The following ZMYM6 variants were observed in gnomAD, a reference collection of about 807,000 sequenced individuals.
The protein encoded by ZMYM6 is zinc finger MYM-type protein 6.
A neutral mutation model predicts 134.0 loss-of-function variants in ZMYM6; 90 were observed. That is an observed-to-expected ratio of 0.67 (90% CI 0.57 to 0.80). ZMYM6 has a LOEUF of 0.80. ZMYM6 is among the 30% of genes least tolerant of loss of function. The pLI, the probability that ZMYM6 is intolerant of heterozygous loss-of-function variation, is 0.00. For missense variants in ZMYM6, 1,362 were observed against 1,533.9 expected (o/e 0.89, Z 1.87); for synonymous variants, 481 against 524.1 (o/e 0.92, Z 1.12).
At chr1:35,013,935 C>T (rs1028561666) in intron 6 of ZMYM6, among the ~76,000 whole-genome samples, 26 of 152,262 alleles carry the variant, frequency 1.7e-4, no homozygotes, top group African/African-American at 5.1e-4. Flanking sequence ...CGTGATCCAC[C>T]CGCCTTGACC....
At chr1:34,995,623 TAC>T (rs1418554193) in intron 14 of ZMYM6, among the ~76,000 whole-genome samples, 4 of 152,152 alleles carry the variant, frequency 2.6e-5, no homozygotes, top group Admixed American at 6.5e-5. Flanking sequence ...TGATGGGTAG[TAC>T]ACACAGTGTG....
At chr1:35,004,434 A>ACCG (rs1640929767) in intron 13 of ZMYM6, among the ~76,000 whole-genome samples, 1 of 152,106 alleles carries the variant, frequency 6.6e-6, no homozygotes, top group Non-Finnish European at 1.5e-5. Flanking sequence ...ACATGGTGAA[A>ACCG]CCGCATCTCT....
intron 1 of ZMYM6, 170 bp from the exon 2 acceptor site, chr1:35,030,883 A>G (rs1253477636): frequency 1.2e-5 from 6 of 486,586 alleles, no homozygotes; most frequent in Admixed American, 4.1e-5. Context: ...CAGTAGCTAC[A>G]TAAGAAAACA....
chr1:35,000,335 ATT>A (rs1476654272), intron 14 of ZMYM6, among the ~76,000 whole-genome samples: 2 of 150,954 alleles, frequency 1.3e-5, no homozygotes, highest in East Asian at 3.9e-4. Context: ...GAACTCCTGG[ATT>A]CAGGTGATTC....
intron 2 of ZMYM6, among the ~76,000 whole-genome samples, chr1:35,028,724 C>T (rs1641461487): frequency 6.6e-6 from 1 of 151,736 alleles, no homozygotes; most frequent in Non-Finnish European, 1.5e-5. Context: ...TGGTCTCGAT[C>T]TCCTGACCTC....
rs1641067632 is a variant in ZMYM6 at position 35,010,610 on chromosome 1, A to C, written c.1342-13T>G. The C allele has an allele frequency of 6.2e-7, 1 of 1,602,350 alleles. No homozygotes were observed. Among genetic ancestry groups the C allele is most frequent in the Admixed American group, 1.8e-5 (1 of 56,606 alleles). On this transcript the variant is annotated splice_polypyrimidine_tract_variant and intron_variant, in intron 9 of 15. Transcript: ENST00000357182. The stretch of plus-strand genomic sequence containing the variant: ...GAAACATTTTACCCTGCAGAGAAAC[A>C]ACAGTCCATTAAGAGCCAACTAAAC...
intron 14 of ZMYM6, among the ~76,000 whole-genome samples, chr1:34,999,544 G>C (rs531962787): frequency 6.6e-6 from 1 of 152,102 alleles, no homozygotes; most frequent in Admixed American, 6.6e-5. Context: ...GGAAAATCCA[G>C]ATTACAGAGA....
Position 35,007,068 on chromosome 1 carries a change from C to T in ZMYM6, c.1696G>A (p.Gly566Ser), listed in dbSNP as rs199688464. 1.2e-4 allele frequency: 200 copies of T among 1,606,022 alleles called. No individual in the cohort carries two copies. Among genetic ancestry groups the T allele is most frequent in the Non-Finnish European group, 1.6e-4 (189 of 1,175,950 alleles). The change falls in exon 12 of 16, where the codon GGT becomes AGT. Residue 566 changes from glycine (G) to serine (S), a missense_variant. Physicochemically the swap from Gly to Ser is moderately conservative, Grantham distance 56 (BLOSUM62 0). Around this residue, in one of 3 missense-constraint regions of ZMYM6, gnomAD observed 824 missense variants for 940.9 expected, o/e 0.88. Transcript: ENST00000357182. ...CACTTTATGGACTCGCTTAGTTTACCCTGTCGTTTACAACCATCACACTTG... is the reference window on the plus strand; with the variant it reads ...CACTTTATGGACTCGCTTAGTTTACTCTGTCGTTTACAACCATCACACTTG... Reference protein sequence around the residue: ...MAKCDGCKRQGKLSESIKWRG... With the variant: ...MAKCDGCKRQSKLSESIKWRG...
At chr1:35,019,744 C>A (rs1641271942) in intron 3 of ZMYM6, 142 bp from the exon 4 acceptor site, 8 of 1,023,250 alleles carry the variant, frequency 7.8e-6, no homozygotes, top group Non-Finnish European at 6.8e-6. Flanking sequence ...GCAATCAAGG[C>A]TCACTGAAGC....
rs749319436 is a variant in ZMYM6 at position 35,005,168 on chromosome 1, T to C, written c.1918A>G (p.Thr640Ala). 2 of 1,614,168 alleles carry C rather than the reference T, an allele frequency of 1.2e-6. No individual in the cohort carries two copies. Among genetic ancestry groups the C allele is most frequent in the South Asian group, 1.1e-5 (1 of 91,082 alleles). The change falls in exon 13 of 16, where the codon ACC becomes GCC. Residue 640 changes from threonine to alanine, a missense_variant. Thr to Ala is a moderately conservative substitution (Grantham distance 58). Around this residue, in one of 3 missense-constraint regions of ZMYM6, gnomAD observed 824 missense variants for 940.9 expected, o/e 0.88. Transcript: ENST00000357182. ...CTGTTAGTGTTCCCTGTAGATAAGG[T>C]AGCAGGTATTTTTGCCAATGACATC... ...SVMSLAKIPA[T>A]LSTGNTNSVL...
chr1:34,992,532 G>T, intron 14 of ZMYM6, 145 bp from the exon 15 acceptor site: 1 of 730,564 alleles, frequency 1.4e-6, no homozygotes, highest in Non-Finnish European at 2.0e-6. Flanking sequence ...AAGTCACCTT[G>T]GAAAATACAC....
rs148412755 is a variant in ZMYM6 at position 35,007,130 on chromosome 1, A to G, written c.1666-32T>C. On this transcript the variant is annotated intron_variant, in intron 11 of 15. Coordinates refer to ENST00000357182, the MANE Select transcript of ZMYM6 (RefSeq NM_007167.4). ...AAGAAATGTTAGACAAGATAGGCTT[A>G]AAACTATAAAATAATGAAAAGATAA... 21 of 1,566,770 alleles carry G rather than the reference A, an allele frequency of 1.3e-5. No homozygotes were observed. The East Asian group carries it at 4.6e-4, about 34-fold the overall frequency.
Position 34,990,502 on chromosome 1 carries a change from A to C in ZMYM6, c.2147-1567T>G, listed in dbSNP as rs540508081. On this transcript the variant is annotated intron_variant, in intron 15 of 15. Coordinates refer to ENST00000357182, the MANE Select transcript of ZMYM6 (RefSeq NM_007167.4). ...TGTCTCAAAAACAAAAACAAACAAA[A>C]AAAAAGATGATAGTCTTTGAATCAA... 3.9e-5 allele frequency among the ~76,000 whole-genome samples: 6 copies of C among 152,190 alleles called. No homozygotes were observed. The East Asian group carries it at 7.7e-4, about 20-fold the overall frequency.
chr1:35,024,626 T>C (rs1354749225), intron 2 of ZMYM6, among the ~76,000 whole-genome samples: 2 of 152,190 alleles, frequency 1.3e-5, no homozygotes, highest in Non-Finnish European at 2.9e-5. Flanking sequence ...TTAAATCTAT[T>C]ATCTTTTCCC....
chr1:35,019,320 G>A lies in ZMYM6; in HGVS notation c.428+33C>T, dbSNP rs1162444652. Reference sequence around the variant, plus strand: ...AAACAATATACACACTAAAAAAAAGGTAAAGTAAAAAGGGATGTTAAGAAT... The same window carrying A: ...AAACAATATACACACTAAAAAAAAGATAAAGTAAAAAGGGATGTTAAGAAT... On this transcript the variant is annotated intron_variant, in intron 4 of 15. Transcript: ENST00000357182. 71 of 1,613,764 alleles carry A rather than the reference G, an allele frequency of 4.4e-5. 1 individual carries two copies. Among genetic ancestry groups the A allele is most frequent in the Non-Finnish European group, 5.8e-5 (69 of 1,179,824 alleles).
Position 35,020,380 on chromosome 1 carries a change from T to C in ZMYM6, c.178+3A>G, listed in dbSNP as rs772922672. The C allele has an allele frequency of 6.2e-7, 1 of 1,600,784 alleles. No individual in the cohort carries two copies. Among genetic ancestry groups the C allele is most frequent in the South Asian group, 1.1e-5 (1 of 88,306 alleles). ...AACTAACTTATACAGTTCCATTTCT[T>C]ACCAATAGGTCTCTCATTAACTGAA... On this transcript the variant is annotated splice_donor_region_variant and intron_variant, in intron 3 of 15. Coordinates refer to ENST00000357182, the MANE Select transcript of ZMYM6 (RefSeq NM_007167.4).
Position 35,020,363 on chromosome 1 carries a change from T to A in ZMYM6, c.178+20A>T. 1 of 1,583,956 alleles carries A rather than the reference T, an allele frequency of 6.3e-7. No individual in the cohort carries two copies. Among genetic ancestry groups the A allele is most frequent in the Non-Finnish European group, 8.6e-7 (1 of 1,167,312 alleles). ...ATAAGCAAATTAATTGTAACTAACT[T>A]ATACAGTTCCATTTCTTACCAATAG... On this transcript the variant is annotated intron_variant, in intron 3 of 15. Coordinates refer to ENST00000357182, the MANE Select transcript of ZMYM6 (RefSeq NM_007167.4).
intron 2 of ZMYM6, among the ~76,000 whole-genome samples, chr1:35,025,258 T>C (rs1340378550): frequency 6.7e-6 from 1 of 150,048 alleles, no homozygotes; most frequent in African/African-American, 2.4e-5. Context: ...CCGAGGCAGG[T>C]AGAGTTCGAG....
At chr1:35,005,629 CAAAAAAAAA>C (rs1182722333) in intron 12 of ZMYM6, among the ~76,000 whole-genome samples, 1 of 59,296 alleles carries the variant, frequency 1.7e-5, no homozygotes, top group African/African-American at 4.5e-5. Context: ...AACCTAGTCT[CAAAAAAAAA>C]AAAAAAAAAA....
Sources: allele counts gnomAD v4.1 joint callset (sites outside exome capture counted in the v4.1 genomes callset), GRCh38; gene constraint gnomAD v4.1.1; regional missense constraint gnomAD v4.1.1; transcripts MANE v1.5; gene names NCBI Gene and HGNC (gene_info 2026-07-23, HGNC 2026-07-21).